CEP112: variants seen among roughly 807,000 people sequenced by gnomAD.
CEP112 encodes the protein centrosomal protein 112.
Under a neutral mutation model 153.0 loss-of-function variants are expected in CEP112, and 127 were observed. That is an observed-to-expected ratio of 0.83 (90% CI 0.72 to 0.96). The LOEUF is 0.96. Among genes scored for constraint, CEP112 ranks in the 40% least tolerant of loss-of-function variants. CEP112 has a pLI of 0.00. For synonymous variants in CEP112, 358 were observed against 374.4 expected (o/e 0.96, Z 0.51); for missense variants, 1,089 against 1,101.2 (o/e 0.99, Z 0.16).
chr17:66,140,173 AG>A (rs1421437209), intron 4 of CEP112, among the ~76,000 whole-genome samples: 1 of 152,216 alleles, frequency 6.6e-6, no homozygotes, highest in Non-Finnish European at 1.5e-5. Flanking sequence ...TGAAGAATAG[AG>A]ATTATATGAT....
At chr17:65,713,220 C>CG (rs1372891278) in intron 23 of CEP112, among the ~76,000 whole-genome samples, 1 of 151,984 alleles carries the variant, frequency 6.6e-6, no homozygotes, top group Admixed American at 6.6e-5. Context: ...AGTGGTGGTC[C>CG]GGGGGGTTAC....
At position 65,889,538 on chromosome 17, in the gene CEP112, T is replaced by A. The variant is rs531302492; in HGVS notation, c.2163+12614A>T. The stretch of plus-strand genomic sequence containing the variant: ...TTGACCTACCTTCCCACTTTCTTAG[T>A]CTTCTTGTCCAGCTCTATTTCCTTC... On this transcript the variant is annotated intron_variant, in intron 20 of 26. Coordinates refer to ENST00000535342, the MANE Select transcript of CEP112 (RefSeq NM_001199165.4). Among the ~76,000 whole-genome samples the A allele has an allele frequency of 3.3e-5, 5 of 152,246 alleles. No homozygotes were observed. In the South Asian group the frequency reaches 1.0e-3, roughly 32 times the overall value.
At chr17:65,742,326 C>A (rs2051186384) in intron 23 of CEP112, among the ~76,000 whole-genome samples, 1 of 152,140 alleles carries the variant, frequency 6.6e-6, no homozygotes, top group African/African-American at 2.4e-5. Flanking sequence ...GAAAAATAAT[C>A]TTTTGCTGGG....
chr17:65,775,880 A>C lies in CEP112; in HGVS notation c.2395-25156T>G, dbSNP rs200145686. 1.8e-4 allele frequency among the ~76,000 whole-genome samples: 27 copies of C among 152,294 alleles called. No homozygotes were observed. The East Asian group carries it at 4.6e-3, about 26-fold the overall frequency. Reference sequence around the variant, plus strand: ...AATGTTCCCATAAATTCAGGAAAAAACTGATTCTTCCGTAGCCACAGTAAC... The same window carrying C: ...AATGTTCCCATAAATTCAGGAAAAACCTGATTCTTCCGTAGCCACAGTAAC... On this transcript the variant is annotated intron_variant, in intron 21 of 26. Coordinates refer to ENST00000535342, the MANE Select transcript of CEP112 (RefSeq NM_001199165.4).
chr17:65,650,843 G>A (rs2045729615), intron 24 of CEP112, among the ~76,000 whole-genome samples: 1 of 151,814 alleles, frequency 6.6e-6, no homozygotes. Context: ...AGGAGGCGGA[G>A]GTTGCAGTGA....
intron 21 of CEP112, among the ~76,000 whole-genome samples, chr17:65,752,240 G>A (rs2051921463): frequency 6.6e-6 from 1 of 152,042 alleles, no homozygotes; most frequent in East Asian, 1.9e-4. Context: ...GATCTTTGAT[G>A]TCCTTTCTTA....
chr17:66,189,798 AG>A (rs1449558589), intron 1 of CEP112, among the ~76,000 whole-genome samples: 1 of 152,166 alleles, frequency 6.6e-6, no homozygotes, highest in African/African-American at 2.4e-5. Context: ...CGGGAGGCCA[AG>A]GTGAGTGGAT....
rs1315477633 is a variant in CEP112, at chr17:65,918,128, C to T, written c.1980+9454G>A. ...CTGGGAGGTGGAGGTTGCAGTGAGC[C>T]GAGATTGCGCCACTGCACTCCAGCC... On this transcript the variant is annotated intron_variant, in intron 19 of 26. Transcript: ENST00000535342. Among the ~76,000 whole-genome samples the T allele has an allele frequency of 4.1e-5, 6 of 146,826 alleles. 1 individual carries two copies. The highest frequency in any genetic ancestry group is 4.0e-4 in the East Asian group (2 of 5,028).
At chr17:65,906,947 A>T (rs144396171) in intron 19 of CEP112, among the ~76,000 whole-genome samples, 1 of 152,250 alleles carries the variant, frequency 6.6e-6, no homozygotes, top group Non-Finnish European at 1.5e-5. Context: ...TTAAGCATGT[A>T]ACACACTGAA....
At chr17:66,001,433 C>T (rs895824545) in intron 17 of CEP112, among the ~76,000 whole-genome samples, 1 of 152,124 alleles carries the variant, frequency 6.6e-6, no homozygotes, top group Non-Finnish European at 1.5e-5. Flanking sequence ...TACTACTGTA[C>T]ATATACTTAA....
intron 21 of CEP112, among the ~76,000 whole-genome samples, chr17:65,831,601 A>T (rs2057084268): frequency 6.6e-6 from 1 of 152,016 alleles, no homozygotes; most frequent in Admixed American, 6.5e-5. Context: ...ACAAGCAAAC[A>T]TGGATAGAAA....
intron 19 of CEP112, among the ~76,000 whole-genome samples, chr17:65,910,813 A>G (rs918400526): frequency 2.0e-5 from 3 of 152,108 alleles, no homozygotes; most frequent in Non-Finnish European, 2.9e-5. Flanking sequence ...ATAAATGTGT[A>G]TATCAAAAAG....
chr17:66,105,671 G>A (rs1373333916), intron 6 of CEP112, among the ~76,000 whole-genome samples: 1 of 152,058 alleles, frequency 6.6e-6, no homozygotes, highest in Non-Finnish European at 1.5e-5. Context: ...GCGTGCACCT[G>A]TAGTCTCAGC....
chr17:65,671,330 T>C (rs141231025), intron 24 of CEP112, among the ~76,000 whole-genome samples: 2,447 of 152,294 alleles, frequency 0.016, 30 homozygotes, highest in Middle Eastern at 0.048. Flanking sequence ...GTACAGGGAA[T>C]GCTACATCTC....
chr17:66,000,313 A>T (rs1182514108), intron 17 of CEP112, among the ~76,000 whole-genome samples: 2 of 149,634 alleles, frequency 1.3e-5, no homozygotes, highest in Non-Finnish European at 3.0e-5. Context: ...TTCTCTAATG[A>T]TCGGTGATGT....
intron 23 of CEP112, among the ~76,000 whole-genome samples, chr17:65,728,338 A>G (rs1022600048): frequency 6.6e-6 from 1 of 152,248 alleles, no homozygotes; most frequent in Non-Finnish European, 1.5e-5. Context: ...GTGGGATTAC[A>G]AAAGGGACTT....
chr17:65,710,669 T>C (rs1190075579), intron 23 of CEP112, among the ~76,000 whole-genome samples: 2 of 152,156 alleles, frequency 1.3e-5, no homozygotes, highest in African/African-American at 4.8e-5. Context: ...TAGAAACCTC[T>C]TATGTAAGAG....
intron 19 of CEP112, among the ~76,000 whole-genome samples, chr17:65,915,807 A>AG (rs2060458275): frequency 6.6e-6 from 1 of 151,268 alleles, no homozygotes; most frequent in African/African-American, 2.4e-5. Context: ...AAAAAAAAAA[A>AG]AGAGAAAAGC....
Position 66,063,066 on chromosome 17 carries a change from C to A in CEP112, c.971G>T (p.Arg324Leu). The A allele has an allele frequency of 6.3e-7, 1 of 1,576,654 alleles. No individual in the cohort carries two copies. The highest frequency in any genetic ancestry group is 8.6e-7 in the Non-Finnish European group (1 of 1,161,790). ...KLEKKVQTLI[R>L]DCQVIRETKE... ...AGTCTCTCTGATAACTTGACAGTCA[C>A]GTATCAGTGTCTGAACTGTCAAAAA... The change falls in exon 11 of 27, where the codon CGT (arginine) becomes CTT (leucine). Residue 324 changes from arginine to leucine, a missense_variant. By Grantham distance (102) the Arg-to-Leu change is moderately radical. Transcript: ENST00000535342.
Sources: allele counts gnomAD v4.1 joint callset (sites outside exome capture counted in the v4.1 genomes callset), GRCh38; gene constraint gnomAD v4.1.1; transcripts MANE v1.5; gene names NCBI Gene and HGNC (gene_info 2026-07-23, HGNC 2026-07-21).